Variants in CADM2 observed in about 807,000 individuals in gnomAD.
CADM2 encodes the protein immunoglobulin superfamily member 4D.
A neutral mutation model predicts 49.8 loss-of-function variants in CADM2; 12 were observed. The observed-to-expected ratio is 0.24, with a 90% CI of 0.15 to 0.39. The LOEUF is 0.39. Ranked by LOEUF, CADM2 falls within the 10% of genes least tolerant of loss-of-function variation. The probability of loss-of-function intolerance (pLI) is 1.00; values close to 1 mark genes in which losing one functional copy is unlikely to be tolerated. For missense variants in CADM2, 378 were observed against 492.3 expected (o/e 0.77, Z 2.20); for synonymous variants, 214 against 175.4 (o/e 1.22, Z -1.74).
At chr3:85,020,667 G>A (rs183466205) in intron 1 of CADM2, among the ~76,000 whole-genome samples, 3 of 151,824 alleles carry the variant, frequency 2.0e-5, no homozygotes, top group Non-Finnish European at 2.9e-5. Flanking sequence ...TGAGAATACC[G>A]CTGTATAACA....
At chr3:85,522,356 G>A (rs1287891713) in intron 1 of CADM2, among the ~76,000 whole-genome samples, 1 of 151,912 alleles carries the variant, frequency 6.6e-6, no homozygotes, top group Non-Finnish European at 1.5e-5. Flanking sequence ...TATATTTGAA[G>A]CGAGTTAATT....
rs116273962 is a variant in CADM2 at position 85,553,041 on chromosome 3, A to C, written c.62-173481A>C. Reference sequence around the variant, plus strand: ...TACATATGTCTTGGTGTATGTAGTCAATTTTTTAAAATTTAATTTATTATG... The same window carrying C: ...TACATATGTCTTGGTGTATGTAGTCCATTTTTTAAAATTTAATTTATTATG... On this transcript the variant is annotated intron_variant, in intron 1 of 9. Transcript: ENST00000383699. Among the ~76,000 whole-genome samples, 1,150 of 152,260 alleles carry C rather than the reference A, an allele frequency of 7.6e-3. 12 individuals are homozygous for C. Among genetic ancestry groups the C allele is most frequent in the African/African-American group, 0.025 (1,032 of 41,556 alleles).
chr3:85,676,669 CTTA>C (rs2065893983), intron 1 of CADM2, among the ~76,000 whole-genome samples: 1 of 152,110 alleles, frequency 6.6e-6, no homozygotes, highest in South Asian at 2.1e-4. Context: ...TTTCATTACA[CTTA>C]TTATAGCCTA....
chr3:85,390,015 T>C (rs1217801913), intron 1 of CADM2, among the ~76,000 whole-genome samples: 1 of 152,050 alleles, frequency 6.6e-6, no homozygotes, highest in Non-Finnish European at 1.5e-5. Context: ...ACAATCGGCA[T>C]AGTAAATCAA....
In CADM2 at chr3:86,067,824, CTGTA is replaced by C. The variant is rs1174379179; in HGVS notation, c.*1045_*1048del. The C allele has an allele frequency of 1.3e-5, 2 of 152,276 alleles. No homozygotes were observed. The highest frequency in any genetic ancestry group is 2.9e-5 in the Non-Finnish European group (2 of 67,876). 9.4% of individuals were successfully genotyped at this position (152,276 alleles called of 1,614,324 possible). ...AGATAACATGTATTAGTATTTTTGT[CTGTA>C]TGTCCTAGCACTGTTCAACAACAAA... On this transcript the variant is annotated 3_prime_UTR_variant, in exon 10 of 10. Coordinates refer to ENST00000383699, the MANE Select transcript of CADM2 (RefSeq NM_001167675.2).
At chr3:85,568,712 C>T (rs1401544288) in intron 1 of CADM2, among the ~76,000 whole-genome samples, 1 of 150,254 alleles carries the variant, frequency 6.7e-6, no homozygotes, top group Non-Finnish European at 1.5e-5. Flanking sequence ...AGGCAATTCT[C>T]CTGCCTCAGC....
chr3:85,255,393 C>A (rs188040687), intron 1 of CADM2, among the ~76,000 whole-genome samples: 6 of 152,120 alleles, frequency 3.9e-5, no homozygotes, highest in African/African-American at 1.4e-4. Flanking sequence ...TGGACATGAG[C>A]TGGATTTCAG....
intron 3 of CADM2, among the ~76,000 whole-genome samples, chr3:85,844,501 G>A (rs1272477736): frequency 1.3e-5 from 2 of 152,064 alleles, no homozygotes; most frequent in Non-Finnish European, 2.9e-5. Context: ...ACAATGAAAA[G>A]GAGAGTAATG....
chr3:86,042,938 T>G (rs1471690979), intron 8 of CADM2, among the ~76,000 whole-genome samples: 2 of 152,150 alleles, frequency 1.3e-5, no homozygotes, highest in Non-Finnish European at 2.9e-5. Context: ...TGCAAATCAA[T>G]AAATCTAATC....
intron 6 of CADM2, among the ~76,000 whole-genome samples, chr3:85,935,027 GTTAC>G (rs1721037325): frequency 2.0e-5 from 3 of 151,974 alleles, no homozygotes. Flanking sequence ...TATGAAATAT[GTTAC>G]CTTTGTGTTG....
intron 8 of CADM2, among the ~76,000 whole-genome samples, chr3:86,032,174 G>A (rs1466525873): frequency 6.6e-6 from 1 of 151,538 alleles, no homozygotes; most frequent in African/African-American, 2.4e-5. Context: ...TCACAGTATG[G>A]TTTAAATACA....
At chr3:85,789,265 T>C (rs896781359) in intron 2 of CADM2, among the ~76,000 whole-genome samples, 3 of 152,180 alleles carry the variant, frequency 2.0e-5, no homozygotes, top group Non-Finnish European at 4.4e-5. Flanking sequence ...TGAACCAGAC[T>C]GTGATTGTGG....
chr3:86,014,762 T>A (rs1341254398), intron 8 of CADM2: 29 of 1,483,394 alleles, frequency 2.0e-5, no homozygotes, highest in Non-Finnish European at 2.6e-5. Context: ...CAGCCAAGCT[T>A]CACTGTTGGA....
intron 8 of CADM2, among the ~76,000 whole-genome samples, chr3:86,026,268 G>A (rs1438838659): frequency 3.9e-5 from 6 of 151,988 alleles, no homozygotes; most frequent in Admixed American, 3.9e-4. Context: ...GATGGTACTA[G>A]GGGAGAACTC....
intron 8 of CADM2, among the ~76,000 whole-genome samples, chr3:85,982,012 C>A (rs148169044): frequency 6.6e-6 from 1 of 151,690 alleles, no homozygotes; most frequent in South Asian, 2.1e-4. Flanking sequence ...AACTTGCCTG[C>A]ATCTGTTATT....
intron 1 of CADM2, among the ~76,000 whole-genome samples, chr3:85,131,051 C>A (rs114447058): frequency 6.6e-6 from 1 of 151,936 alleles, no homozygotes; most frequent in Admixed American, 6.6e-5. Flanking sequence ...GCGTGGCATG[C>A]GCCTGTAATT....
chr3:85,312,365 A>G (rs1335927314), intron 1 of CADM2, among the ~76,000 whole-genome samples: 1 of 152,186 alleles, frequency 6.6e-6, no homozygotes, highest in Non-Finnish European at 1.5e-5. Flanking sequence ...AGATAGGATG[A>G]CAATGTTGCA....
At chr3:85,460,410 T>TA (rs2038190331) in intron 1 of CADM2, among the ~76,000 whole-genome samples, 1 of 152,150 alleles carries the variant, frequency 6.6e-6, no homozygotes, top group African/African-American at 2.4e-5. Context: ...CAGACACACT[T>TA]ATTGATCTAT....
At chr3:85,359,666 A>ATATATATATATATATATATATATATT in intron 1 of CADM2, among the ~76,000 whole-genome samples, 7 of 26,552 alleles carry the variant, frequency 2.6e-4, no homozygotes, top group Non-Finnish European at 3.3e-4. Flanking sequence ...ATATATATAT[A>ATATATATATATATATATATATATATT]TTTTTTTTTT....
Sources: allele counts gnomAD v4.1 joint callset (sites outside exome capture counted in the v4.1 genomes callset), GRCh38; gene constraint gnomAD v4.1.1; transcripts MANE v1.5; gene names NCBI Gene and HGNC (gene_info 2026-07-23, HGNC 2026-07-21).